Variants in ZNF729 observed in about 807,000 individuals in gnomAD.
ZNF729 encodes zinc finger protein 729.
In ZNF729, 15 loss-of-function variants were observed where a neutral mutation model predicts 12.2. The observed-to-expected ratio is 1.23, with a 90% CI of 0.82 to 1.89. The LOEUF is 1.89. Among genes scored for constraint, ZNF729 ranks in the 40% most tolerant of loss-of-function variants. ZNF729 has a pLI of 0.00. For missense variants in ZNF729, 1,540 were observed against 1,456.7 expected (o/e 1.06, Z -0.93); for synonymous variants, 492 against 476.3 (o/e 1.03, Z -0.43).
chr19:22,303,677 C>A, intron 1 of ZNF729, 81 bp from the exon 2 acceptor site: 1 of 1,341,674 alleles, frequency 7.5e-7, no homozygotes, highest in Non-Finnish European at 1.0e-6. Flanking sequence ...TTTATTCTCT[C>A]ATTTCACCTT....
intron 3 of ZNF729, among the ~76,000 whole-genome samples, chr19:22,305,522 C>T (rs1468114978): frequency 6.6e-6 from 1 of 151,910 alleles, no homozygotes. Context: ...CCTACCTGTA[C>T]ATATAAATAT....
intron 1 of ZNF729, among the ~76,000 whole-genome samples, chr19:22,302,225 A>G (rs1968318643): frequency 6.6e-6 from 1 of 152,312 alleles, no homozygotes. Context: ...AGACTCAAAC[A>G]GGTAAACTAA....
At chr19:22,301,725 A>G (rs1293823464) in intron 1 of ZNF729, among the ~76,000 whole-genome samples, 1 of 152,310 alleles carries the variant, frequency 6.6e-6, no homozygotes, top group Non-Finnish European at 1.5e-5. Context: ...AAATCTGATG[A>G]CAGAATCTGT....
At chr19:22,292,470 A>C (rs1198590025) in intron 1 of ZNF729, among the ~76,000 whole-genome samples, 1 of 151,950 alleles carries the variant, frequency 6.6e-6, no homozygotes, top group Non-Finnish European at 1.5e-5. Context: ...ACTGGGTCTC[A>C]CTCTGTCACC....
At chr19:22,291,053 G>C (rs1968145510) in intron 1 of ZNF729, among the ~76,000 whole-genome samples, 1 of 152,164 alleles carries the variant, frequency 6.6e-6, no homozygotes, top group South Asian at 2.1e-4. Context: ...AATGTTGTGA[G>C]ACTGAGCCCT....
intron 1 of ZNF729, among the ~76,000 whole-genome samples, chr19:22,289,593 G>C (rs537386445): frequency 6.6e-6 from 1 of 152,142 alleles, no homozygotes; most frequent in Non-Finnish European, 1.5e-5. Flanking sequence ...TTATGGCTGG[G>C]TGTTTTTAAA....
intron 3 of ZNF729, among the ~76,000 whole-genome samples, chr19:22,313,427 C>T (rs1599758832): frequency 6.6e-6 from 1 of 152,140 alleles, no homozygotes; most frequent in East Asian, 1.9e-4. Flanking sequence ...AACCGACTTC[C>T]CTTTCCTTCT....
rs185403501 is a variant in ZNF729 at position 22,307,675 on chromosome 19, G to T, written c.253+2892G>T. Among the ~76,000 whole-genome samples, 1,369 of 149,638 alleles carry T rather than the reference G, an allele frequency of 9.1e-3. 11 individuals are homozygous for T. The highest frequency in any genetic ancestry group is 0.013 in the Non-Finnish European group (844 of 67,400). ...GGAGAATCGCTTGAACCTGGGAGGT[G>T]GAGGTTGTGGTGAGCCGAGATCCCA... On this transcript the variant is annotated intron_variant, in intron 3 of 3. Coordinates refer to ENST00000601693, the MANE Select transcript of ZNF729 (RefSeq NM_001242680.2).
chr19:22,299,321 C>T (rs1968273428), intron 1 of ZNF729: 2 of 152,196 alleles, frequency 1.3e-5, no homozygotes, highest in Non-Finnish European at 2.9e-5. Context: ...CTTCCACTTC[C>T]CAGGTTCAAG....
intron 1 of ZNF729, among the ~76,000 whole-genome samples, chr19:22,303,249 T>A (rs1404230679): frequency 2.0e-5 from 3 of 152,174 alleles, no homozygotes; most frequent in African/African-American, 7.2e-5. Flanking sequence ...TGCTGAATGT[T>A]TGACAAAAGA....
In ZNF729 at chr19:22,314,724, A is replaced by G; in HGVS notation, c.1307A>G (p.Glu436Gly). 6.2e-7 allele frequency: 1 copy of G among 1,613,512 alleles called. No homozygotes were observed. Among genetic ancestry groups the G allele is most frequent in the Non-Finnish European group, 8.5e-7 (1 of 1,179,888 alleles). The change falls in exon 4 of 4, where the codon GAA (glutamate) becomes GGA (glycine). Residue 436 changes from glutamate to glycine, a missense_variant. By Grantham distance (98) the Glu-to-Gly change is moderately conservative. Transcript: ENST00000601693. Reference protein sequence around the residue: ...HTGKKPYKCEECGKAFNSSST... With the variant: ...HTGKKPYKCEGCGKAFNSSST... Reference sequence around the variant, plus strand: ...GGAAAGAAACCCTACAAATGTGAAGAATGTGGCAAAGCTTTTAACAGTTCC... The same window carrying G: ...GGAAAGAAACCCTACAAATGTGAAGGATGTGGCAAAGCTTTTAACAGTTCC...
At chr19:22,292,020 CTG>C (rs1258192170) in intron 1 of ZNF729, among the ~76,000 whole-genome samples, 1 of 152,020 alleles carries the variant, frequency 6.6e-6, no homozygotes, top group African/African-American at 2.4e-5. Flanking sequence ...GCGTGAGCCA[CTG>C]TGCCCAGCCA....
At chr19:22,305,275 TGTGA>T (rs1482288320) in intron 3 of ZNF729, among the ~76,000 whole-genome samples, 1 of 152,226 alleles carries the variant, frequency 6.6e-6, no homozygotes, top group Non-Finnish European at 1.5e-5. Flanking sequence ...TCTGCTGAAC[TGTGA>T]GCCAAATAAA....
At position 22,314,344 on chromosome 19, in the gene ZNF729, A is replaced by G. The variant is rs767919901; in HGVS notation, c.927A>G (p.Ala309=). ...KAFKGSSNFN[A]HKVIHTAEKP... ...TTAAGGGGTCCTCAAATTTTAATGC[A>G]CATAAGGTAATTCATACTGCAGAGA... Residue 309 remains alanine, a synonymous_variant, in exon 4 of 4, where the codon GCA becomes GCG. Coordinates refer to ENST00000601693, the MANE Select transcript of ZNF729 (RefSeq NM_001242680.2). 14 of 1,610,104 alleles carry G rather than the reference A, an allele frequency of 8.7e-6. No homozygotes were observed. The highest frequency in any genetic ancestry group is 1.0e-5 in the Non-Finnish European group (12 of 1,179,220).
At chr19:22,291,875 A>G (rs1968159461) in intron 1 of ZNF729, among the ~76,000 whole-genome samples, 1 of 152,162 alleles carries the variant, frequency 6.6e-6, no homozygotes, top group South Asian at 2.1e-4. Flanking sequence ...CTGGGACTAC[A>G]GGTGGCTGCC....
intron 1 of ZNF729, among the ~76,000 whole-genome samples, chr19:22,289,477 A>T (rs1018278843): frequency 2.6e-5 from 4 of 152,066 alleles, no homozygotes; most frequent in African/African-American, 7.2e-5. Context: ...CACCCGCCTC[A>T]GCCTCCCAAA....
chr19:22,310,080 C>G (rs1306394971), intron 3 of ZNF729, among the ~76,000 whole-genome samples: 1 of 151,950 alleles, frequency 6.6e-6, no homozygotes, highest in South Asian at 2.1e-4. Context: ...GAAAGCTTTG[C>G]TGAATTATTT....
intron 3 of ZNF729, among the ~76,000 whole-genome samples, chr19:22,312,060 AATAGCAAGCC>A (rs1968456476): frequency 6.6e-6 from 1 of 152,104 alleles, no homozygotes; most frequent in Non-Finnish European, 1.5e-5. Flanking sequence ...GGCTTAGGTG[AATAGCAAGCC>A]ATTTTCATGA....
chr19:22,302,740 C>CAAA (rs1968329085), intron 1 of ZNF729, among the ~76,000 whole-genome samples: 1 of 152,298 alleles, frequency 6.6e-6, no homozygotes. Context: ...TTTTGGAGGC[C>CAAA]TTATTTAGGT....
Sources: allele counts gnomAD v4.1 joint callset (sites outside exome capture counted in the v4.1 genomes callset), GRCh38; gene constraint gnomAD v4.1.1; transcripts MANE v1.5; gene names NCBI Gene and HGNC (gene_info 2026-07-23, HGNC 2026-07-21).